CFAP44: variants seen among roughly 807,000 people sequenced by gnomAD.
CFAP44 encodes cilia and flagella associated protein 44.
CFAP44 carries 134 observed loss-of-function variants against 216.2 expected under a neutral mutation model. That is an observed-to-expected ratio of 0.62 (90% CI 0.54 to 0.72). The LOEUF is 0.72. CFAP44 is among the 30% of genes least tolerant of loss of function. The pLI is 0.00. For synonymous variants in CFAP44, 700 were observed against 727.6 expected (o/e 0.96, Z 0.61); for missense variants, 2,035 against 2,182.1 (o/e 0.93, Z 1.34).
At chr3:113,296,594 TG>T in intron 33 of CFAP44, 130 bp downstream of exon 33, 1 of 1,016,328 alleles carries the variant, frequency 9.8e-7, no homozygotes, top group Non-Finnish European at 1.4e-6. Context: ...CCTAAGATCC[TG>T]GGGCAGCCAA....
intron 18 of CFAP44, among the ~76,000 whole-genome samples, chr3:113,366,999 G>A (rs559559327): frequency 3.3e-5 from 5 of 151,822 alleles, no homozygotes; most frequent in South Asian, 4.1e-4. Context: ...GCTGCAGCCC[G>A]GCGGGTGGAG....
chr3:113,295,920 T>G (rs1207007160), intron 33 of CFAP44, among the ~76,000 whole-genome samples: 4 of 152,332 alleles, frequency 2.6e-5, no homozygotes, highest in Admixed American at 2.0e-4. Flanking sequence ...TAAAAAAATG[T>G]AGGTTCAGGT....
At chr3:113,426,361 A>C in intron 3 of CFAP44, 84 bp from the exon 4 acceptor site, 3 of 1,448,210 alleles carry the variant, frequency 2.1e-6, no homozygotes, top group Non-Finnish European at 2.8e-6. Context: ...TAGTTCCCAT[A>C]ATCTCCACAT....
At chr3:113,305,235 G>T in intron 30 of CFAP44, 83 bp from the exon 31 acceptor site, 1 of 1,202,394 alleles carries the variant, frequency 8.3e-7, no homozygotes, top group Non-Finnish European at 1.2e-6. Context: ...CATCTTGGGA[G>T]GAAGTAAAGC....
chr3:113,351,000 T>C (rs970634757), intron 22 of CFAP44, among the ~76,000 whole-genome samples: 1 of 152,106 alleles, frequency 6.6e-6, no homozygotes, highest in Non-Finnish European at 1.5e-5. Flanking sequence ...CCTGGGCGAT[T>C]GAGGGAAAAA....
intron 5 of CFAP44, 121 bp from the exon 6 acceptor site, chr3:113,416,748 C>T (rs549264475): frequency 3.0e-5 from 19 of 637,250 alleles, no homozygotes; most frequent in East Asian, 1.2e-4. Context: ...TAATAGAAAA[C>T]TCAAAAATGG....
At chr3:113,297,271 A>G (rs1949890906) in intron 32 of CFAP44, among the ~76,000 whole-genome samples, 1 of 151,936 alleles carries the variant, frequency 6.6e-6, no homozygotes, top group Non-Finnish European at 1.5e-5. Context: ...CTCCAGGTAA[A>G]TAATGACAAT....
At chr3:113,357,524 A>G (rs565500648) in intron 22 of CFAP44, among the ~76,000 whole-genome samples, 13 of 152,324 alleles carry the variant, frequency 8.5e-5, no homozygotes, top group Non-Finnish European at 1.6e-4. Flanking sequence ...AACCACTAGA[A>G]GCTTGGAGAC....
Position 113,294,815 on chromosome 3 carries a change from TC to T in CFAP44, c.5244del (p.Ile1749LeufsTer8), listed in dbSNP as rs759907209. 2.0e-6 allele frequency: 3 copies of T among 1,529,158 alleles called. No individual in the cohort carries two copies. The South Asian group carries it at 3.7e-5, about 19-fold the overall frequency. The allele number at this position is 1,529,158 out of a possible 1,614,324, so 94.7% of individuals were successfully genotyped here. A position where few individuals can be genotyped will look rare whatever the true frequency, so the allele number is the denominator to read the frequency against. On this transcript the variant is annotated frameshift_variant, in exon 34 of 35. Transcript: ENST00000393845. LOFTEE classifies it high-confidence loss of function. ...NAKEMKMWEE[K>X]IAQMRWELMM... ...ATCAGTTCCCATCGCATTTGAGCAA[TC>T]TTTTCCTACCAGGGTGGGAAGATGC...
Position 113,427,778 on chromosome 3 carries a change from G to A in CFAP44, c.101-439C>T, listed in dbSNP as rs115601200. On this transcript the variant is annotated intron_variant, in intron 2 of 34. Coordinates refer to ENST00000393845, the MANE Select transcript of CFAP44 (RefSeq NM_001164496.2). ...AGTTGGAATATTGGCTTTAGGACAA[G>A]CTGGGAATGAGAACTGGTATAGGAG... Among the ~76,000 whole-genome samples, 692 of 152,210 alleles carry A rather than the reference G, an allele frequency of 4.5e-3. 6 individuals are homozygous for A. The highest frequency in any genetic ancestry group is 0.016 in the African/African-American group (664 of 41,552).
chr3:113,298,213 C>A (rs1336888221), intron 32 of CFAP44, among the ~76,000 whole-genome samples: 6 of 152,210 alleles, frequency 3.9e-5, no homozygotes, highest in African/African-American at 1.4e-4. Context: ...CATTGTGGAG[C>A]CAGCCCAGTG....
chr3:113,410,857 G>A (rs925746124), intron 6 of CFAP44, among the ~76,000 whole-genome samples: 1 of 152,156 alleles, frequency 6.6e-6, no homozygotes, highest in Admixed American at 6.5e-5. Context: ...GTGTGAGATG[G>A]TATCTCATTG....
At chr3:113,303,146 T>C (rs1022107730) in intron 32 of CFAP44, among the ~76,000 whole-genome samples, 8 of 152,092 alleles carry the variant, frequency 5.3e-5, no homozygotes, top group Non-Finnish European at 1.2e-4. Flanking sequence ...GAGGAGAAAT[T>C]TGTTCAACCA....
At chr3:113,416,990 G>A (rs1934664688) in intron 5 of CFAP44, among the ~76,000 whole-genome samples, 1 of 152,138 alleles carries the variant, frequency 6.6e-6, no homozygotes, top group African/African-American at 2.4e-5. Context: ...TAATCTGTCA[G>A]GCTGGGACTC....
At chr3:113,297,022 G>T in intron 32 of CFAP44, 137 bp from the exon 33 acceptor site, 2 of 1,069,188 alleles carry the variant, frequency 1.9e-6, no homozygotes, top group Non-Finnish European at 2.7e-6. Context: ...TTTTTCTTCT[G>T]TGATTTTTTC....
chr3:113,328,309 T>TTTTTTTTTTTTTTTTTTG (rs1259280954), intron 26 of CFAP44, among the ~76,000 whole-genome samples: 1 of 150,270 alleles, frequency 6.7e-6, no homozygotes, highest in African/African-American at 2.4e-5. Flanking sequence ...AATCTCTTTC[T>TTTTTTTTTTTTTTTTTTG]AAGATTGAAG....
intron 15 of CFAP44, among the ~76,000 whole-genome samples, chr3:113,389,610 C>G (rs1933740053): frequency 6.6e-6 from 1 of 151,410 alleles, no homozygotes; most frequent in Non-Finnish European, 1.5e-5. Flanking sequence ...AAACCTTTAG[C>G]CAGACTAACA....
At chr3:113,403,790 C>G in intron 9 of CFAP44, 62 bp downstream of exon 9, 1 of 1,526,968 alleles carries the variant, frequency 6.5e-7, no homozygotes, top group Admixed American at 1.9e-5. Context: ...GAAATAAAAC[C>G]CTTTGGGTGA....
chr3:113,425,419 T>A lies in CFAP44; in HGVS notation c.407+705A>T, dbSNP rs575292299. On this transcript the variant is annotated intron_variant, in intron 4 of 34. Coordinates refer to ENST00000393845, the MANE Select transcript of CFAP44 (RefSeq NM_001164496.2). The stretch of plus-strand genomic sequence containing the variant: ...TTGCAAACCTAACATCATAATGTGA[T>A]GACGAACACAAAATCCCCTTGTCAA... 3.8e-4 allele frequency among the ~76,000 whole-genome samples: 58 copies of A among 152,308 alleles called. No individual in the cohort carries two copies. In the South Asian group the frequency reaches 4.4e-3, roughly 11 times the overall value.
Sources: gnomAD v4.1 joint callset for allele counts (sites outside exome capture counted in the v4.1 genomes callset) on GRCh38, gnomAD v4.1.1 for gene constraint, MANE v1.5 for transcripts, NCBI Gene and HGNC (gene_info 2026-07-23, HGNC 2026-07-21) for gene names.